CAST: variants seen among roughly 807,000 people sequenced by gnomAD.
CAST encodes calpastatin.
In CAST, 76 loss-of-function variants were observed where a neutral mutation model predicts 119.6. The ratio of observed to expected loss-of-function variants is 0.64; its 90% CI spans 0.53 to 0.77. CAST has a LOEUF of 0.77. Among genes scored for constraint, CAST ranks in the 30% least tolerant of loss-of-function variants. The pLI is 0.00. For synonymous variants in CAST, 319 were observed against 331.6 expected, an observed-to-expected ratio of 0.96 and a Z score of 0.41; for missense variants, 953 against 946.5, an observed-to-expected ratio of 1.01 and a Z score of -0.09.
the CAST span, among the ~76,000 whole-genome samples, chr5:96,247,516 C>T: frequency 6.6e-6 from 1 of 152,222 alleles, no homozygotes; most frequent in Non-Finnish European, 1.5e-5. Context: ...AGCAGATTGA[C>T]GTGTAACATG....
the CAST span, among the ~76,000 whole-genome samples, chr5:96,027,499 A>G: frequency 2.0e-5 from 3 of 152,148 alleles, no homozygotes; most frequent in Non-Finnish European, 2.9e-5. Context: ...ATTTAAAAGT[A>G]GAGTTCAGAA....
chr5:96,244,757 T>C, the CAST span, among the ~76,000 whole-genome samples: 2 of 152,218 alleles, frequency 1.3e-5, no homozygotes, highest in Non-Finnish European at 2.9e-5. Flanking sequence ...GTAAAATTCT[T>C]TTTGTTTCTA....
the CAST span, among the ~76,000 whole-genome samples, chr5:96,165,401 C>G: frequency 7.9e-5 from 12 of 151,948 alleles, no homozygotes; most frequent in Non-Finnish European, 4.4e-5. Context: ...TAAAGAGTTG[C>G]AAAACATAAG....
At chr5:96,622,513 G>T (rs1425727376) in intron 1 of CAST, among the ~76,000 whole-genome samples, 2 of 152,160 alleles carry the variant, frequency 1.3e-5, no homozygotes, top group African/African-American at 4.8e-5. Context: ...TGTTTCCCTG[G>T]ATGTTGGTTG....
chr5:96,417,091 T>C, the CAST span, among the ~76,000 whole-genome samples: 9,270 of 152,260 alleles, frequency 0.061, 953 homozygotes, highest in African/African-American at 0.21. Flanking sequence ...GAGGAAGGGT[T>C]AGCTCGGAGC....
the CAST span, among the ~76,000 whole-genome samples, chr5:96,320,028 G>C: frequency 6.7e-6 from 1 of 150,284 alleles, no homozygotes; most frequent in South Asian, 2.2e-4. Flanking sequence ...TATCTAACCA[G>C]GCTCCTCATA....
chr5:96,229,576 A>G, the CAST span, among the ~76,000 whole-genome samples: 3 of 152,160 alleles, frequency 2.0e-5, no homozygotes, highest in Non-Finnish European at 4.4e-5. Flanking sequence ...TGTATTGTAG[A>G]ACAATCTTTT....
chr5:96,323,636 A>G, the CAST span, among the ~76,000 whole-genome samples: 4 of 152,258 alleles, frequency 2.6e-5, no homozygotes, highest in South Asian at 8.3e-4. Context: ...GTATCTAGTC[A>G]ATAGCAATAG....
the CAST span, among the ~76,000 whole-genome samples, chr5:96,148,380 C>T: frequency 2.0e-5 from 3 of 152,154 alleles, no homozygotes; most frequent in Non-Finnish European, 4.4e-5. Context: ...TATTAGAAAG[C>T]GTCTGAATTA....
chr5:96,190,769 G>T, the CAST span, among the ~76,000 whole-genome samples: 3 of 152,052 alleles, frequency 2.0e-5, no homozygotes, highest in Non-Finnish European at 4.4e-5. Flanking sequence ...TACATGTGCA[G>T]GTTTATTACT....
chr5:96,534,594 A>G (rs2150178015), intron 1 of CAST, among the ~76,000 whole-genome samples: 1 of 151,008 alleles, frequency 6.6e-6, no homozygotes, highest in Middle Eastern at 3.4e-3. Context: ...CCTTGAACCC[A>G]GGAGGCAGAG....
the CAST span, among the ~76,000 whole-genome samples, chr5:96,222,938 T>A: frequency 6.6e-6 from 1 of 152,126 alleles, no homozygotes; most frequent in South Asian, 2.1e-4. Context: ...TGAAAAAGAA[T>A]GAAATCATAT....
chr5:96,152,691 A>G, the CAST span, among the ~76,000 whole-genome samples: 12 of 152,218 alleles, frequency 7.9e-5, no homozygotes, highest in Admixed American at 3.9e-4. Context: ...GCTTTTCATT[A>G]TATCTATTTG....
intron 12 of CAST, among the ~76,000 whole-genome samples, chr5:96,740,355 A>C (rs1161421846): frequency 1.3e-5 from 2 of 152,168 alleles, no homozygotes; most frequent in Admixed American, 1.3e-4. Flanking sequence ...TCTAGAATCA[A>C]GGTGTCAGCA....
the CAST span, among the ~76,000 whole-genome samples, chr5:96,076,577 G>T: frequency 2.0e-5 from 3 of 152,182 alleles, no homozygotes; most frequent in African/African-American, 7.2e-5. Flanking sequence ...ACCATAATGG[G>T]CTGCTGGAGT....
the CAST span, among the ~76,000 whole-genome samples, chr5:96,444,916 C>T: frequency 6.6e-6 from 1 of 152,116 alleles, no homozygotes; most frequent in African/African-American, 2.4e-5. Flanking sequence ...AATCCGTAAT[C>T]ATTTAAATGG....
At chr5:96,604,014 C>G (rs1016228769) in intron 1 of CAST, among the ~76,000 whole-genome samples, 2 of 152,150 alleles carry the variant, frequency 1.3e-5, no homozygotes, top group Non-Finnish European at 2.9e-5. Context: ...ATCTTCCCCC[C>G]TCAGCTTCCC....
At position 96,748,528 on chromosome 5, in the gene CAST, A is replaced by T; in HGVS notation, c.1343A>T (p.Glu448Val). Residue 448 changes from glutamate to valine, a missense_variant, in exon 19 of 32, where the codon GAA (glutamate) becomes GTA (valine). Coordinates refer to ENST00000675179, the MANE Select transcript of CAST (RefSeq NM_001750.7). ...CTTCTTATATTACAGCCTCGGAGTG[A>T]ATCAGAACTCATTGATGAACTTTCA... ...EPEEKPKPRS[E>V]SELIDELSED... is the part of the protein sequence containing the mutation. The T allele has an allele frequency of 6.5e-7, 1 of 1,536,706 alleles. No individual in the cohort carries two copies. Among genetic ancestry groups the T allele is most frequent in the Non-Finnish European group, 9.0e-7 (1 of 1,109,998 alleles).
chr5:96,100,318 C>G, the CAST span, among the ~76,000 whole-genome samples: 2 of 152,022 alleles, frequency 1.3e-5, no homozygotes, highest in Non-Finnish European at 2.9e-5. Flanking sequence ...CTGTTGGAGC[C>G]TCTCCTTCCT....
Sources: allele counts gnomAD v4.1 joint callset (sites outside exome capture counted in the v4.1 genomes callset), GRCh38; gene constraint gnomAD v4.1.1; transcripts MANE v1.5; gene names NCBI Gene and HGNC (gene_info 2026-07-23, HGNC 2026-07-21).